MAGI2: variants seen among roughly 807,000 people sequenced by gnomAD.
MAGI2 encodes membrane associated guanylate kinase, WW and PDZ domain containing 2.
MAGI2 carries 35 observed loss-of-function variants against 133.3 expected under a neutral mutation model. The observed-to-expected ratio is 0.26, with a 90% confidence interval of 0.20 to 0.35. The LOEUF is 0.35. MAGI2 is among the 10% of genes least tolerant of loss of function. The probability of loss-of-function intolerance (pLI) is 1.00; values close to 1 mark genes in which losing one functional copy is unlikely to be tolerated. For missense variants in MAGI2, 1,636 were observed against 1,863.4 expected (o/e 0.88, Z 2.25); for synonymous variants, 729 against 710.6 (o/e 1.03, Z -0.41).
chr7:78,776,448 G>A (rs1401342851), intron 2 of MAGI2, among the ~76,000 whole-genome samples: 3 of 152,082 alleles, frequency 2.0e-5, no homozygotes, highest in African/African-American at 7.2e-5. Flanking sequence ...CCTTTTGGCA[G>A]GCAGAAAGTA....
chr7:79,039,593 A>G (rs886229977), intron 1 of MAGI2, among the ~76,000 whole-genome samples: 1 of 151,786 alleles, frequency 6.6e-6, no homozygotes, highest in South Asian at 2.1e-4. Context: ...AGGAGAAAAT[A>G]TGTGCAAACT....
chr7:79,282,038 T>G (rs1256243064), intron 1 of MAGI2, among the ~76,000 whole-genome samples: 2 of 152,108 alleles, frequency 1.3e-5, no homozygotes, highest in East Asian at 1.9e-4. Flanking sequence ...TAGAAATCTG[T>G]GTGAAGAAAA....
chr7:78,091,717 C>T (rs1173861168), intron 20 of MAGI2, among the ~76,000 whole-genome samples: 1 of 152,200 alleles, frequency 6.6e-6, no homozygotes. Context: ...TATGAAGTTG[C>T]TTCAGCATTG....
At chr7:79,243,628 G>T (rs1397215739) in intron 1 of MAGI2, among the ~76,000 whole-genome samples, 1 of 152,154 alleles carries the variant, frequency 6.6e-6, no homozygotes, top group Admixed American at 6.5e-5. Flanking sequence ...TTACTTTGGG[G>T]ACATTCTGGT....
At chr7:78,645,752 T>TCC (rs1464657176) in intron 2 of MAGI2, among the ~76,000 whole-genome samples, 43 of 150,730 alleles carry the variant, frequency 2.9e-4, no homozygotes, top group Admixed American at 7.3e-4. Flanking sequence ...TTTTTTTTTT[T>TCC]CCCCGAGACA....
At chr7:78,609,503 G>A (rs985677999) in intron 3 of MAGI2, among the ~76,000 whole-genome samples, 3 of 151,824 alleles carry the variant, frequency 2.0e-5, no homozygotes, top group Non-Finnish European at 4.4e-5. Context: ...ATAAAATGAA[G>A]GTATTTTCTT....
chr7:78,027,814 A>C (rs1809106502), intron 21 of MAGI2, among the ~76,000 whole-genome samples: 1 of 152,204 alleles, frequency 6.6e-6, no homozygotes, highest in East Asian at 1.9e-4. Flanking sequence ...TCACTTTGAG[A>C]CATAAATACT....
chr7:78,967,951 C>T (rs4507689), intron 2 of MAGI2, among the ~76,000 whole-genome samples: 83,725 of 151,806 alleles, frequency 0.55, 23,510 homozygotes, highest in Non-Finnish European at 0.6. Context: ...CTGCCTCAGC[C>T]TCCCAAGTAG....
At chr7:79,084,315 G>A (rs1265525960) in intron 1 of MAGI2, among the ~76,000 whole-genome samples, 1 of 151,520 alleles carries the variant, frequency 6.6e-6, no homozygotes, top group Non-Finnish European at 1.5e-5. Flanking sequence ...CACCACTTTA[G>A]CTGAATCTCA....
At chr7:79,239,250 G>T (rs183391778) in intron 1 of MAGI2, among the ~76,000 whole-genome samples, 185 of 152,234 alleles carry the variant, frequency 1.2e-3, no homozygotes, top group African/African-American at 4.1e-3. Flanking sequence ...AAGCAGAAAA[G>T]TGGCTAATGC....
At position 78,772,341 on chromosome 7, in the gene MAGI2, A is replaced by G. The variant is rs540480235; in HGVS notation, c.419-145102T>C. On this transcript the variant is annotated intron_variant, in intron 2 of 21. Coordinates refer to ENST00000354212, the MANE Select transcript of MAGI2 (RefSeq NM_012301.4). ...ACTTTGTAAGGCTAGGTGATAAATTATTAGAATGAAGACCAACAAGCATCA... is the reference window on the plus strand; with the variant it reads ...ACTTTGTAAGGCTAGGTGATAAATTGTTAGAATGAAGACCAACAAGCATCA... 2.6e-5 allele frequency among the ~76,000 whole-genome samples: 4 copies of G among 152,342 alleles called. No individual in the cohort carries two copies. In the South Asian group the frequency reaches 8.3e-4, roughly 32 times the overall value.
chr7:78,888,875 T>C (rs10264267), intron 2 of MAGI2, among the ~76,000 whole-genome samples: 78,718 of 151,972 alleles, frequency 0.52, 21,999 homozygotes, highest in South Asian at 0.69. Flanking sequence ...CAAAGCTGGA[T>C]GGAGAATGAC....
In MAGI2 at chr7:78,406,746, A is replaced by G. The variant is rs189759609; in HGVS notation, c.1046-37533T>C. 3.4e-4 allele frequency among the ~76,000 whole-genome samples: 51 copies of G among 152,188 alleles called. No individual in the cohort carries two copies. The East Asian group carries it at 8.9e-3, about 27-fold the overall frequency. ...AGAGCCATTTTACCACATGCCAAAC[A>G]CTTTACACAGCTGTAAACTTATTGT... On this transcript the variant is annotated intron_variant, in intron 6 of 21. Coordinates refer to ENST00000354212, the MANE Select transcript of MAGI2 (RefSeq NM_012301.4).
intron 20 of MAGI2, among the ~76,000 whole-genome samples, chr7:78,090,669 C>G (rs2151215873): frequency 6.6e-6 from 1 of 152,232 alleles, no homozygotes; most frequent in East Asian, 1.9e-4. Flanking sequence ...ACAAAGGTCC[C>G]TAATATTTGT....
chr7:78,611,297 T>C (rs1806413824), intron 3 of MAGI2, among the ~76,000 whole-genome samples: 1 of 152,192 alleles, frequency 6.6e-6, no homozygotes, highest in African/African-American at 2.4e-5. Context: ...TCTTTCTTCT[T>C]TTTCCTTGTT....
intron 3 of MAGI2, among the ~76,000 whole-genome samples, chr7:78,577,432 G>A (rs1182572695): frequency 6.6e-6 from 1 of 152,100 alleles, no homozygotes; most frequent in East Asian, 1.9e-4. Context: ...ATTGTTTTAT[G>A]AGCATTTTGA....
chr7:79,173,765 C>T (rs1825834153), intron 1 of MAGI2, among the ~76,000 whole-genome samples: 1 of 152,048 alleles, frequency 6.6e-6, no homozygotes, highest in Admixed American at 6.6e-5. Context: ...GAACATTCTA[C>T]CATATTATAA....
chr7:79,257,855 T>C (rs184417645), intron 1 of MAGI2, among the ~76,000 whole-genome samples: 1 of 152,328 alleles, frequency 6.6e-6, no homozygotes, highest in African/African-American at 2.4e-5. Flanking sequence ...TTATTATTTG[T>C]TATGTGCAGC....
At chr7:78,740,308 T>A (rs904434336) in intron 2 of MAGI2, among the ~76,000 whole-genome samples, 20 of 152,224 alleles carry the variant, frequency 1.3e-4, no homozygotes, top group African/African-American at 4.8e-4. Context: ...GTTTTCTTGT[T>A]ACAGTACATA....
Sources: allele counts gnomAD v4.1 joint callset (sites outside exome capture counted in the v4.1 genomes callset), GRCh38; gene constraint gnomAD v4.1.1; transcripts MANE v1.5; gene names NCBI Gene and HGNC (gene_info 2026-07-23, HGNC 2026-07-21).